The following THBS3 variants were observed in gnomAD, a reference collection of about 807,000 sequenced individuals.
The protein encoded by THBS3 is thrombospondin 3.
In THBS3, 78 loss-of-function variants were observed where a neutral mutation model predicts 118.3. That is an observed-to-expected ratio of 0.66 (90% confidence interval 0.55 to 0.80). The LOEUF is 0.80. THBS3 is among the 30% of genes least tolerant of loss of function. THBS3 has a pLI of 0.00. For synonymous variants in THBS3, 427 were observed against 475.3 expected (o/e 0.90, Z 1.32); for missense variants, 1,057 against 1,247.4 (o/e 0.85, Z 2.30).
At position 155,205,298 on chromosome 1, in the gene THBS3, C is replaced by G; in HGVS notation, c.305G>C (p.Arg102Pro). The change falls in exon 3 of 23, where the codon CGG becomes CCG. Residue 102 changes from arginine (R) to proline (P), a missense_variant. Around this residue, in one of 3 missense-constraint regions of THBS3, gnomAD observed 206 missense variants for 205.7 expected, o/e 1.00. Transcript: ENST00000368378. The part of the protein sequence containing the change: ...KINKVLVRYQ[R>P]EDGKVHAVNL... ...CACGGCGTGGACTTTGCCATCCTCC[C>G]GCTGGTATCGCACCAGTACTGCCCA... The G allele has an allele frequency of 1.2e-6, 2 of 1,613,934 alleles. No individual in the cohort carries two copies. The highest frequency in any genetic ancestry group is 1.7e-6 in the Non-Finnish European group (2 of 1,179,994).
Position 155,206,508 on chromosome 1 carries a change from T to C in THBS3, c.80-102A>G, listed in dbSNP as rs1571928855. The C allele has an allele frequency of 9.8e-7, 1 of 1,023,176 alleles. No individual in the cohort carries two copies. The highest frequency in any genetic ancestry group is 1.4e-6 in the Non-Finnish European group (1 of 691,166). The allele number at this position is 1,023,176 out of a possible 1,614,324, so 63.4% of individuals were successfully genotyped here. On this transcript the variant is annotated intron_variant, in intron 1 of 22. Coordinates refer to ENST00000368378, the MANE Select transcript of THBS3 (RefSeq NM_007112.5). This position sits in a 1 kb window ranked among gnomAD's most constrained non-coding sequence, Gnocchi z 4.2. ...CCCCTACCCCCACCACCAGGCAGCG[T>C]TAGTCACCTCAAAATTCAACCCTTG...
chr1:155,208,792 C>T (rs963070351), upstream of THBS3: 7 of 1,522,802 alleles, frequency 4.6e-6, no homozygotes, highest in Non-Finnish European at 5.3e-6. Context: ...AAACATAACG[C>T]GCTGTGGAAA....
Position 155,197,274 on chromosome 1 carries a change from G to C in THBS3, c.2500-61C>G. On this transcript the variant is annotated intron_variant, in intron 20 of 22. Transcript: ENST00000368378. The surrounding 1 kb of genome is among the most constrained non-coding windows in gnomAD (Gnocchi z 5.0). ...AGAACTGGAGTGAGGGGAGACAACAGGTCGGTAAGTGCAGGTGGGAAAGGG... is the reference window on the plus strand; with the variant it reads ...AGAACTGGAGTGAGGGGAGACAACACGTCGGTAAGTGCAGGTGGGAAAGGG... 1 of 1,590,274 alleles carries C rather than the reference G, an allele frequency of 6.3e-7. No individual in the cohort carries two copies. The highest frequency in any genetic ancestry group is 8.6e-7 in the Non-Finnish European group (1 of 1,161,696).
chr1:155,208,963 G>A (rs1480266196), upstream of THBS3: 2 of 1,608,486 alleles, frequency 1.2e-6, no homozygotes, highest in Non-Finnish European at 1.7e-6. Context: ...CAGGGGTTCG[G>A]GGCTCCACTT....
At chr1:155,205,675 G>T (rs1253741186) in intron 2 of THBS3, among the ~76,000 whole-genome samples, 1 of 152,188 alleles carries the variant, frequency 6.6e-6, no homozygotes, top group African/African-American at 2.4e-5. Context: ...CTACTCAGGA[G>T]GCTGAGATAG....
Position 155,206,340 on chromosome 1 carries a change from G to C in THBS3, c.146C>G (p.Ala49Gly). The C allele has an allele frequency of 3.1e-6, 5 of 1,614,112 alleles. No individual in the cohort carries two copies. The highest frequency in any genetic ancestry group is 4.2e-6 in the Non-Finnish European group (5 of 1,179,980). The change falls in exon 2 of 23, where the codon GCC (alanine) becomes GGC (glycine). Residue 49 changes from alanine (A) to glycine (G), a missense_variant. Physicochemically the swap from Ala to Gly is moderately conservative, Grantham distance 60. Around this residue, in one of 3 missense-constraint regions of THBS3, gnomAD observed 206 missense variants for 205.7 expected, o/e 1.00. Transcript: ENST00000368378. This position sits in a 1 kb window ranked among gnomAD's most constrained non-coding sequence, Gnocchi z 4.2. ...GTAGATGTCCCCAGCAGTGAGCAAG[G>C]CTGTCCGGATCTTCTCTGCCACAGC... is the stretch of plus-strand genomic sequence containing the variant. ...MVAVAEKIRT[A>G]LLTAGDIYLL...
upstream of THBS3, chr1:155,208,827 G>C: frequency 6.3e-7 from 1 of 1,574,818 alleles, no homozygotes; most frequent in Non-Finnish European, 8.6e-7. Context: ...GGACCCCCCC[G>C]CAGTCCCCGC....
At chr1:155,203,708 C>T (rs1670142024) in intron 4 of THBS3, among the ~76,000 whole-genome samples, 169 bp from the exon 5 acceptor site, 1 of 152,200 alleles carries the variant, frequency 6.6e-6, no homozygotes, top group African/African-American at 2.4e-5. Context: ...AGTGCCAGCT[C>T]CTTCTATGGG....
Position 155,207,820 on chromosome 1 carries a change from T to C in THBS3, c.57A>G (p.Thr19=). 6 of 1,613,870 alleles carry C rather than the reference T, an allele frequency of 3.7e-6. No homozygotes were observed. Among genetic ancestry groups the C allele is most frequent in the South Asian group, 1.1e-5 (1 of 91,084 alleles). Residue 19 remains threonine, a synonymous_variant, in exon 1 of 23, where the codon ACA becomes ACG. Transcript: ENST00000368378. ...ALALLLLCFF[T]SASQDLQVID... The stretch of plus-strand genomic sequence containing the variant: ...TACCCTGCAGATCCTGACTGGCAGA[T>C]GTGAAAAAGCAAAGGAGGAGAAGAG...
At chr1:155,199,692 T>C in intron 16 of THBS3, 112 bp downstream of exon 16, 1 of 1,099,268 alleles carries the variant, frequency 9.1e-7, no homozygotes, top group Non-Finnish European at 1.3e-6. Flanking sequence ...GAGACGGAGG[T>C]TGCAGTGAGC....
At chr1:155,200,227 T>C in intron 14 of THBS3, 114 bp from the exon 15 acceptor site, 1 of 1,088,246 alleles carries the variant, frequency 9.2e-7, no homozygotes. Flanking sequence ...GGCCAGGAAA[T>C]CTGCCTGTTT....
chr1:155,203,566 G>C (rs192659931), intron 4 of THBS3, 27 bp from the exon 5 acceptor site: 2 of 1,613,038 alleles, frequency 1.2e-6, no homozygotes, highest in African/African-American at 2.7e-5. Context: ...AACATAGTCA[G>C]AGGGGTGAGG....
Position 155,197,114 on chromosome 1 carries a change from G to C in THBS3, c.2599C>G (p.Arg867Gly). The change falls in exon 21 of 23, where the codon CGA becomes GGA. Residue 867 changes from arginine (R) to glycine (G), a missense_variant. Coordinates refer to ENST00000368378, the MANE Select transcript of THBS3 (RefSeq NM_007112.5). This position sits in a 1 kb window ranked among gnomAD's most constrained non-coding sequence, Gnocchi z 5.0. ...DQVRLLWTDP[R>G]NVGWRDKTSY... ...GTCTTGTCCCGCCAGCCCACATTTC[G>C]TGGGTCTGTCCACAGCAGTCGTACC... 1.2e-6 allele frequency: 2 copies of C among 1,614,170 alleles called. No individual in the cohort carries two copies. The highest frequency in any genetic ancestry group is 1.7e-6 in the Non-Finnish European group (2 of 1,180,036).
upstream of THBS3, chr1:155,209,169 G>C: frequency 1.3e-6 from 2 of 1,493,338 alleles, no homozygotes; most frequent in Middle Eastern, 2.1e-4. Flanking sequence ...GCAACGATCG[G>C]AGGGGCGGTG....
In THBS3 at chr1:155,197,569, T is replaced by C; in HGVS notation, c.2393A>G (p.Tyr798Cys). 6.2e-7 allele frequency: 1 copy of C among 1,612,258 alleles called. No homozygotes were observed. The highest frequency in any genetic ancestry group is 8.5e-7 in the Non-Finnish European group (1 of 1,179,830). Residue 798 changes from tyrosine to cysteine, a missense_variant, in exon 20 of 23, where the codon TAT becomes TGT. Transcript: ENST00000368378. The surrounding 1 kb of genome is among the most constrained non-coding windows in gnomAD (Gnocchi z 5.0). ...DDDYAGFLFS[Y>C]QDSGRFYVVM... ...TACGTAGAAGCGGCCACTGTCTTGATAACTGAAGAGAAAGCCTGCGTAGTC... is the reference window on the plus strand; with the variant it reads ...TACGTAGAAGCGGCCACTGTCTTGACAACTGAAGAGAAAGCCTGCGTAGTC...
Position 155,202,856 on chromosome 1 carries a change from G to T in THBS3, c.913C>A (p.Pro305Thr), listed in dbSNP as rs750515739. The T allele has an allele frequency of 5.6e-6, 9 of 1,613,660 alleles. No homozygotes were observed. Among genetic ancestry groups the T allele is most frequent in the South Asian group, 1.1e-5 (1 of 91,088 alleles). The change falls in exon 8 of 23, where the codon CCT becomes ACT. Residue 305 changes from proline to threonine, a missense_variant. This residue lies in a region of THBS3 where 544 missense variants were observed against 715.6 expected (regional missense o/e 0.76). Transcript: ENST00000368378. The surrounding 1 kb of genome is among the most constrained non-coding windows in gnomAD (Gnocchi z 5.5). The part of the protein sequence containing the change: ...YPGYRCGPCP[P>T]GLQGNGTHCS... ...TGGGTGCCGTTGCCCTGCAGGCCAG[G>T]GGGGCAGGGCCCACAGCGGTAGCCT...
In THBS3 at chr1:155,206,174, C is replaced by T. The variant is rs781512879; in HGVS notation, c.286+26G>A. On this transcript the variant is annotated intron_variant, in intron 2 of 22. Transcript: ENST00000368378. This position sits in a 1 kb window ranked among gnomAD's most constrained non-coding sequence, Gnocchi z 4.2. ...AGAGTGCTTAAGGAGGTCACCATTG[C>T]AAGAAAGGAGATGCCCACCAGTCAC... 3.7e-6 allele frequency: 6 copies of T among 1,612,044 alleles called. No homozygotes were observed. In the South Asian group the frequency reaches 6.6e-5, roughly 18 times the overall value.
intron 4 of THBS3, 21 bp from the exon 5 acceptor site, chr1:155,203,560 T>G: frequency 6.2e-7 from 1 of 1,612,722 alleles, no homozygotes; most frequent in Non-Finnish European, 8.5e-7. Context: ...GAAGAAAACA[T>G]AGTCAGAGGG....
chr1:155,197,355 G>A lies in THBS3; in HGVS notation c.2499+108C>T. The A allele has an allele frequency of 1.3e-6, 2 of 1,524,420 alleles. No homozygotes were observed. Among genetic ancestry groups the A allele is most frequent in the Admixed American group, 1.8e-5 (1 of 56,226 alleles). The allele number at this position is 1,524,420 out of a possible 1,614,324, so 94.4% of individuals were successfully genotyped here. A position where few individuals can be genotyped will look rare whatever the true frequency, so the allele number is the denominator to read the frequency against. On this transcript the variant is annotated intron_variant, in intron 20 of 22. Transcript: ENST00000368378. This position sits in a 1 kb window ranked among gnomAD's most constrained non-coding sequence, Gnocchi z 5.0. ...CCCCAGAGAGCCGGCCTCCAAGCCA[G>A]ATGTCTGGGTAAGAGGGTTCCCAGT... is the stretch of plus-strand genomic sequence containing the variant.
Sources: allele counts gnomAD v4.1 joint callset (sites outside exome capture counted in the v4.1 genomes callset), GRCh38; gene constraint gnomAD v4.1.1; regional missense constraint gnomAD v4.1.1; non-coding constraint Gnocchi (gnomAD v3.1); transcripts MANE v1.5; gene names NCBI Gene and HGNC (gene_info 2026-07-23, HGNC 2026-07-21).